CHST15: variants seen among roughly 807,000 people sequenced by gnomAD.
CHST15 encodes the protein carbohydrate sulfotransferase 15.
In CHST15, 30 loss-of-function variants were observed where a neutral mutation model predicts 53.6. The observed-to-expected ratio is 0.56, with a 90% CI of 0.42 to 0.76. The LOEUF (loss-of-function observed/expected upper bound fraction) is 0.76. Among genes scored for constraint, CHST15 ranks in the 30% least tolerant of loss-of-function variants. CHST15 has a pLI of 0.00. For missense variants in CHST15, 627 were observed against 740.5 expected (o/e 0.85, Z 1.78); for synonymous variants, 296 against 289.8 (o/e 1.02, Z -0.22).
chr10:124,022,402 T>A (rs951242030), intron 5 of CHST15, among the ~76,000 whole-genome samples: 1 of 152,130 alleles, frequency 6.6e-6, no homozygotes, highest in Non-Finnish European at 1.5e-5. Context: ...AAATGAACAA[T>A]CCACTCTCCG....
intron 5 of CHST15, among the ~76,000 whole-genome samples, chr10:124,025,306 T>C (rs1268629258): frequency 6.6e-6 from 1 of 152,208 alleles, no homozygotes; most frequent in Non-Finnish European, 1.5e-5. Context: ...TTCATCTGTT[T>C]GAGGTGGGTT....
At chr10:124,016,426 C>G (rs2133838189) in intron 6 of CHST15, among the ~76,000 whole-genome samples, 1 of 152,238 alleles carries the variant, frequency 6.6e-6, no homozygotes, top group Admixed American at 6.5e-5. Context: ...TCTCCAGGGA[C>G]TGAAGATTAA....
chr10:124,090,558 T>G (rs148601881), intron 1 of CHST15, among the ~76,000 whole-genome samples: 1,657 of 152,380 alleles, frequency 0.011, 39 homozygotes, highest in African/African-American at 0.039. Flanking sequence ...CTTCCCACGT[T>G]ACCAACCTTT....
At chr10:124,085,528 C>G (rs1337954294) in intron 1 of CHST15, among the ~76,000 whole-genome samples, 1 of 152,226 alleles carries the variant, frequency 6.6e-6, no homozygotes, top group Non-Finnish European at 1.5e-5. Flanking sequence ...TCCAGGAGAA[C>G]CTAGCCTTTG....
At chr10:124,042,493 T>C in intron 3 of CHST15, 46 bp from the exon 4 acceptor site, 1 of 1,597,400 alleles carries the variant, frequency 6.3e-7, no homozygotes, top group Non-Finnish European at 8.6e-7. Context: ...AAGTTGCTAC[T>C]GCTGGAGCGA....
At chr10:124,048,180 C>A (rs189250065) in intron 1 of CHST15, among the ~76,000 whole-genome samples, 5 of 152,168 alleles carry the variant, frequency 3.3e-5, no homozygotes, top group African/African-American at 1.2e-4. Flanking sequence ...GTGTTCTGTG[C>A]TTAAATTATT....
chr10:124,038,800 G>T, intron 4 of CHST15, 129 bp from the exon 5 acceptor site: 3 of 903,570 alleles, frequency 3.3e-6, no homozygotes, highest in Non-Finnish European at 5.0e-6. Context: ...CAAGCTGTCA[G>T]CCTTTGCGGG....
At chr10:124,017,760 C>T (rs1229760318) in intron 6 of CHST15, among the ~76,000 whole-genome samples, 1 of 152,338 alleles carries the variant, frequency 6.6e-6, no homozygotes, top group East Asian at 1.9e-4. Context: ...AGGCTGCCTC[C>T]CTGAGCCTCA....
intron 3 of CHST15, 85 bp downstream of exon 3, chr10:124,044,495 C>T (rs1165733607): frequency 6.9e-6 from 8 of 1,166,508 alleles, no homozygotes; most frequent in Non-Finnish European, 9.2e-6. Flanking sequence ...CCGCCCTCGC[C>T]CCCCAACCCC....
rs769298317 is a variant in CHST15 at position 124,019,255 on chromosome 10, G to A, written c.1347+2001C>T. Among the ~76,000 whole-genome samples, 6 of 152,226 alleles carry A rather than the reference G, an allele frequency of 3.9e-5. No individual in the cohort carries two copies. The highest frequency in any genetic ancestry group is 2.1e-4 in the South Asian group (1 of 4,818). ...CCCCACCTTGAGGCGTCATGCCAGCGCCCCTTTCCTCCTGCCAGCCCCAGC... is the reference window on the plus strand; with the variant it reads ...CCCCACCTTGAGGCGTCATGCCAGCACCCCTTTCCTCCTGCCAGCCCCAGC... On this transcript the variant is annotated intron_variant, in intron 6 of 7. Transcript: ENST00000435907. The surrounding 1 kb of genome is among the most constrained non-coding windows in gnomAD (Gnocchi z 4.6).
At chr10:124,058,253 T>C (rs1377479425) in intron 1 of CHST15, among the ~76,000 whole-genome samples, 2 of 152,158 alleles carry the variant, frequency 1.3e-5, no homozygotes, top group African/African-American at 2.4e-5. Flanking sequence ...AGGACAGTCA[T>C]ATAGCTGCAA....
Position 124,019,942 on chromosome 10 carries a change from T to C in CHST15, c.1347+1314A>G. On this transcript the variant is annotated intron_variant, in intron 6 of 7. Coordinates refer to ENST00000435907, the MANE Select transcript of CHST15 (RefSeq NM_001270764.2). This position sits in a 1 kb window ranked among gnomAD's most constrained non-coding sequence, Gnocchi z 4.6. The stretch of plus-strand genomic sequence containing the variant: ...GGGCCTCTGCACACGCTGCTCTCAG[T>C]TCCCTGGCCAACTCTCCTTCAGGCC... The C allele has an allele frequency of 1.0e-6, 1 of 985,722 alleles. No individual in the cohort carries two copies. Among genetic ancestry groups the C allele is most frequent in the Admixed American group, 6.1e-5 (1 of 16,272 alleles). The allele number at this position is 985,722 out of a possible 1,614,324, so 61.1% of individuals were successfully genotyped here. A position where few individuals can be genotyped will look rare whatever the true frequency, so the allele number is the denominator to read the frequency against.
intron 5 of CHST15, among the ~76,000 whole-genome samples, chr10:124,027,758 A>G (rs1947068297): frequency 6.6e-6 from 1 of 152,152 alleles, no homozygotes; most frequent in Non-Finnish European, 1.5e-5. Context: ...GGCTGACACT[A>G]GAGAGGTTAA....
chr10:124,021,474 G>A (rs922696376), intron 5 of CHST15, 62 bp from the exon 6 acceptor site: 35 of 1,555,078 alleles, frequency 2.3e-5, no homozygotes, highest in African/African-American at 4.1e-5. Flanking sequence ...CCATTTGGGC[G>A]ACAATGAAAA....
intron 6 of CHST15, among the ~76,000 whole-genome samples, chr10:124,016,096 TTCTCGGGACCCTGC>T (rs1407378753): frequency 2.0e-5 from 3 of 152,042 alleles, no homozygotes; most frequent in Non-Finnish European, 4.4e-5. Flanking sequence ...GGCACCAGGC[TTCTCGGGACCCTGC>T]TCTGAGGCAG....
intron 1 of CHST15, among the ~76,000 whole-genome samples, chr10:124,077,134 T>C (rs976364401): frequency 6.6e-6 from 1 of 152,228 alleles, no homozygotes; most frequent in African/African-American, 2.4e-5. Flanking sequence ...ACACCCAGAG[T>C]GCTGTTCTCA....
intron 6 of CHST15, among the ~76,000 whole-genome samples, chr10:124,014,454 A>G (rs1946520047): frequency 6.6e-6 from 1 of 152,158 alleles, no homozygotes; most frequent in South Asian, 2.1e-4. Flanking sequence ...GCTGTTTCCA[A>G]CCCACACTGT....
intron 6 of CHST15, among the ~76,000 whole-genome samples, chr10:124,015,404 G>A (rs539921700): frequency 3.3e-5 from 5 of 151,368 alleles, no homozygotes; most frequent in African/African-American, 4.8e-5. Flanking sequence ...GGGCGGGGGG[G>A]GCTACTCAGG....
At chr10:124,031,262 C>G (rs943063251) in intron 5 of CHST15, among the ~76,000 whole-genome samples, 9 of 152,228 alleles carry the variant, frequency 5.9e-5, no homozygotes, top group African/African-American at 1.7e-4. Flanking sequence ...TTTTCCTCTC[C>G]TATGTACAGC....
Sources: gnomAD v4.1 joint callset for allele counts (sites outside exome capture counted in the v4.1 genomes callset) on GRCh38, gnomAD v4.1.1 for gene constraint, Gnocchi (gnomAD v3.1) non-coding constraint, MANE v1.5 for transcripts, NCBI Gene and HGNC (gene_info 2026-07-23, HGNC 2026-07-21) for gene names.